ABCA9: variants seen among roughly 807,000 people sequenced by gnomAD.
ABCA9 encodes the protein ATP-binding cassette sub-family A member 9.
In ABCA9, 183 loss-of-function variants were observed where a neutral mutation model predicts 205.3. That is an observed-to-expected ratio of 0.89 (90% CI 0.79 to 1.01). The LOEUF is 1.01. Ranked by LOEUF, ABCA9 falls within the 50% of genes least tolerant of loss-of-function variation. ABCA9 has a pLI of 0.00. For synonymous variants in ABCA9, 651 were observed against 683.3 expected (o/e 0.95, Z 0.74); for missense variants, 1,805 against 1,912.4 (o/e 0.94, Z 1.05).
In ABCA9 at chr17:69,044,604, TAGA is replaced by T. The variant is rs764867242; in HGVS notation, c.470-7_470-5del. 2.2e-5 allele frequency: 35 copies of T among 1,611,030 alleles called. No homozygotes were observed. The highest frequency in any genetic ancestry group is 5.3e-5 in the African/African-American group (4 of 74,800). ...TCATTCACTGCTTGACAGTGAGCTT[TAGA>T]AGAAGAACACATCCATTATTACGGA... On this transcript the variant is annotated splice_polypyrimidine_tract_variant and splice_region_variant and intron_variant, in intron 4 of 38. Coordinates refer to ENST00000340001, the MANE Select transcript of ABCA9 (RefSeq NM_080283.4).
intron 9 of ABCA9, chr17:69,032,860 A>T (rs1006051354): frequency 6.6e-6 from 1 of 152,300 alleles, no homozygotes; most frequent in Non-Finnish European, 1.5e-5. Flanking sequence ...GTACTCCCAG[A>T]AACGTGATGA....
chr17:69,035,741 A>G lies in ABCA9; in HGVS notation c.861T>C (p.Leu287=), dbSNP rs16973534. Residue 287 remains leucine, a synonymous_variant, in exon 7 of 39, where the codon CTT becomes CTC. Coordinates refer to ENST00000340001, the MANE Select transcript of ABCA9 (RefSeq NM_080283.4). ...FILIMATLMA[L]IVKSAQIVVL... ...CGACAATTTGTGCAGATTTTACAAT[A>G]AGAGCCATTAAAGTGGCCATGATAA... 8,808 of 1,613,712 alleles carry G rather than the reference A, an allele frequency of 5.5e-3. 433 individuals are homozygous for G. The African/African-American group carries it at 0.1, about 19-fold the overall frequency.
rs1161619738 is a variant in ABCA9 at position 69,027,016 on chromosome 17, G to C, written c.2010C>G (p.Leu670=). Reference sequence around the variant, plus strand: ...CCTCATCTATAAACTGGGTGCTGAAGAGAATTACTCTGTCTGATTTCCCCT... The same window carrying C: ...CCTCATCTATAAACTGGGTGCTGAACAGAATTACTCTGTCTGATTTCCCCT... ...LKEGKSDRVI[L]FSTQFIDEAD... Residue 670 remains leucine, a synonymous_variant, in exon 15 of 39, where the codon CTC becomes CTG. Transcript: ENST00000340001. The C allele has an allele frequency of 6.2e-7, 1 of 1,613,990 alleles. No homozygotes were observed. Among genetic ancestry groups the C allele is most frequent in the Admixed American group, 1.7e-5 (1 of 59,988 alleles).
intron 8 of ABCA9, chr17:69,034,675 G>A (rs2071276250): frequency 6.6e-6 from 1 of 152,110 alleles, no homozygotes; most frequent in South Asian, 2.1e-4. Flanking sequence ...TGAGAAAAAA[G>A]GAGGGCATTC....
Position 69,020,464 on chromosome 17 carries a change from A to C in ABCA9, c.2524T>G (p.Trp842Gly), listed in dbSNP as rs1255060692. Residue 842 changes from tryptophan (W) to glycine (G), a missense_variant, in exon 19 of 39, where the codon TGG (tryptophan) becomes GGG (glycine). Coordinates refer to ENST00000340001, the MANE Select transcript of ABCA9 (RefSeq NM_080283.4). Reference protein sequence around the residue: ...TRKTISGVALWRQQVCAIAKV... With the variant: ...TRKTISGVALGRQQVCAIAKV... ...GCTATTGCACAGACCTGCTGCCTCC[A>C]GAGCGCCACGCCACTGATTGTTTTC... 1 of 1,614,080 alleles carries C rather than the reference A, an allele frequency of 6.2e-7. No homozygotes were observed. Among genetic ancestry groups the C allele is most frequent in the Non-Finnish European group, 8.5e-7 (1 of 1,179,958 alleles).
At position 68,974,857 on chromosome 17, in the gene ABCA9, ATTTATT is replaced by A. The variant is rs1208894439; in HGVS notation, c.*1052_*1057del. The A allele has an allele frequency of 6.6e-6, 1 of 152,086 alleles. No homozygotes were observed. Among genetic ancestry groups the A allele is most frequent in the Non-Finnish European group, 1.5e-5 (1 of 68,010 alleles). The allele number at this position is 152,086 out of a possible 1,614,324, so 9.4% of individuals were successfully genotyped here. ...GATCAGGTTCTTACTGAAATTATTT[ATTTATT>A]TTTATTATACTTTAAGTTCTGGGAT... On this transcript the variant is annotated 3_prime_UTR_variant, in exon 39 of 39. Coordinates refer to ENST00000340001, the MANE Select transcript of ABCA9 (RefSeq NM_080283.4).
intron 25 of ABCA9, 77 bp downstream of exon 25, chr17:69,007,682 C>T: frequency 1.0e-6 from 1 of 955,058 alleles, no homozygotes; most frequent in Middle Eastern, 3.2e-4. Flanking sequence ...ATTTGCCACT[C>T]TGCTTAGCAC....
the ABCA9 span, among the ~76,000 whole-genome samples, chr17:69,070,760 A>C: frequency 6.6e-6 from 1 of 152,174 alleles, no homozygotes; most frequent in African/African-American, 2.4e-5. Context: ...CTCCCTGGAA[A>C]GGGGGCTGAA....
chr17:69,049,368 A>G lies in ABCA9; in HGVS notation c.219T>C (p.Asp73=), dbSNP rs754471717. 1.5e-5 allele frequency: 24 copies of G among 1,613,130 alleles called. No individual in the cohort carries two copies. The highest frequency in any genetic ancestry group is 6.6e-5 in the South Asian group (6 of 91,050). ...MDLGRVDSFN[D]TNYVIAFAPE... is the part of the protein sequence containing the mutation. Reference sequence around the variant, plus strand: ...GTGCAAATGCAATAACATAATTAGTATCATTAAAACTATCTACACGTCCCA... The same window carrying G: ...GTGCAAATGCAATAACATAATTAGTGTCATTAAAACTATCTACACGTCCCA... The change falls in exon 3 of 39, where the codon GAT becomes GAC. Residue 73 remains aspartate, a synonymous_variant. Transcript: ENST00000340001.
chr17:68,988,968 T>G (rs892496469), intron 31 of ABCA9, 59 bp downstream of exon 31: 45 of 1,024,152 alleles, frequency 4.4e-5, no homozygotes, highest in Middle Eastern at 2.7e-4. Flanking sequence ...AGTCTATTAT[T>G]GCCATCAATA....
At chr17:68,982,835 T>C (rs1296071911) in intron 36 of ABCA9, among the ~76,000 whole-genome samples, 194 bp from the exon 37 acceptor site, 1 of 151,970 alleles carries the variant, frequency 6.6e-6, no homozygotes, top group Non-Finnish European at 1.5e-5. Flanking sequence ...GGAGATCCCA[T>C]CTCCACAAAA....
chr17:69,014,982 C>T (rs1369194055), intron 22 of ABCA9, among the ~76,000 whole-genome samples: 1 of 152,106 alleles, frequency 6.6e-6, no homozygotes, highest in Non-Finnish European at 1.5e-5. Flanking sequence ...CTGTGGTGAC[C>T]ACATACGTAG....
chr17:68,976,159 G>T lies in ABCA9; in HGVS notation c.4752C>A (p.Ser1584Arg). 1 of 1,614,028 alleles carries T rather than the reference G, an allele frequency of 6.2e-7. No individual in the cohort carries two copies. The highest frequency in any genetic ancestry group is 1.7e-5 in the Admixed American group (1 of 60,022). Residue 1584 changes from serine to arginine, a missense_variant, in exon 38 of 39, where the codon AGC becomes AGA. By Grantham distance (110) the Ser-to-Arg change is moderately radical (BLOSUM62 -1). Coordinates refer to ENST00000340001, the MANE Select transcript of ABCA9 (RefSeq NM_080283.4). Reference protein sequence around the residue: ...VKQSFDLEEYSLSQSTLEQVF... With the variant: ...VKQSFDLEEYRLSQSTLEQVF... The stretch of plus-strand genomic sequence containing the variant: ...CCTGCTCCAGGGTAGACTGTGAGAG[G>T]CTGTACTCCTCCAGGTCGAAACTCT...
intron 25 of ABCA9, among the ~76,000 whole-genome samples, chr17:69,005,034 T>G (rs2070072429): frequency 6.6e-6 from 1 of 152,152 alleles, no homozygotes; most frequent in African/African-American, 2.4e-5. Flanking sequence ...CACTCCCTAG[T>G]GAGATGAACC....
At chr17:68,976,292 G>C in intron 37 of ABCA9, 102 bp from the exon 38 acceptor site, 1 of 978,758 alleles carries the variant, frequency 1.0e-6, no homozygotes, top group Non-Finnish European at 1.6e-6. Flanking sequence ...AAACATAAAA[G>C]ATAAGGTAAT....
intron 25 of ABCA9, among the ~76,000 whole-genome samples, chr17:68,997,621 T>A (rs961792458): frequency 6.7e-6 from 1 of 149,756 alleles, no homozygotes; most frequent in Non-Finnish European, 1.5e-5. Context: ...GTTAAAAGGA[T>A]TTTATTATTT....
At chr17:68,987,946 T>C (rs1326535451) in intron 31 of ABCA9, among the ~76,000 whole-genome samples, 1 of 152,132 alleles carries the variant, frequency 6.6e-6, no homozygotes, top group Non-Finnish European at 1.5e-5. Flanking sequence ...GTATTTTTGG[T>C]AGAGATGGTG....
intron 26 of ABCA9, 78 bp downstream of exon 26, chr17:68,995,815 ATC>A: frequency 1.3e-6 from 2 of 1,544,400 alleles, no homozygotes; most frequent in Non-Finnish European, 1.8e-6. Context: ...TGAGGACTCT[ATC>A]TATATTTTTG....
At chr17:69,071,508 G>A in the ABCA9 span, among the ~76,000 whole-genome samples, 1 of 152,168 alleles carries the variant, frequency 6.6e-6, no homozygotes, top group Non-Finnish European at 1.5e-5. Context: ...GGGCCTGACT[G>A]TTAGAAGAAA....
Sources: allele counts gnomAD v4.1 joint callset (sites outside exome capture counted in the v4.1 genomes callset), GRCh38; gene constraint gnomAD v4.1.1; transcripts MANE v1.5; gene names NCBI Gene and HGNC (gene_info 2026-07-23, HGNC 2026-07-21).